Variants in CNTNAP2 observed in about 807,000 individuals in gnomAD.
The protein encoded by CNTNAP2 is contactin-associated protein-like 2.
Under a neutral mutation model 155.2 loss-of-function variants are expected in CNTNAP2, and 98 were observed. The observed-to-expected ratio is 0.63, with a 90% CI of 0.54 to 0.75. CNTNAP2 has a LOEUF of 0.75. Ranked by LOEUF, CNTNAP2 falls within the 30% of genes least tolerant of loss-of-function variation. The pLI is 0.00. For synonymous variants in CNTNAP2, 651 were observed against 631.2 expected (o/e 1.03, Z -0.47); for missense variants, 1,727 against 1,688.1 (o/e 1.02, Z -0.40).
intron 13 of CNTNAP2, among the ~76,000 whole-genome samples, chr7:147,835,794 A>G (rs1798622829): frequency 6.6e-6 from 1 of 152,222 alleles, no homozygotes; most frequent in Non-Finnish European, 1.5e-5. Context: ...CATGAGAGAA[A>G]GGAGAGAGAG....
At chr7:146,342,138 C>G (rs55799204) in intron 1 of CNTNAP2, among the ~76,000 whole-genome samples, 11,639 of 152,158 alleles carry the variant, frequency 0.076, 953 homozygotes, top group African/African-American at 0.2. Context: ...GTGCAAACCT[C>G]AAATACCTCA....
In CNTNAP2 at chr7:147,486,056, A is replaced by G. The variant is rs553823115; in HGVS notation, c.1777+15A>G. The G allele has an allele frequency of 1.9e-6, 3 of 1,601,216 alleles. No homozygotes were observed. Among genetic ancestry groups the G allele is most frequent in the Non-Finnish European group, 2.6e-6 (3 of 1,168,290 alleles). On this transcript the variant is annotated intron_variant, in intron 11 of 23. Transcript: ENST00000361727. ...CTGCCACAACTGTGAGTGCCAATTT[A>G]TCTCACTTTAATCTTGTAATTGCAT...
chr7:148,196,205 A>G (rs1795275165), intron 18 of CNTNAP2, among the ~76,000 whole-genome samples: 1 of 152,238 alleles, frequency 6.6e-6, no homozygotes, highest in African/African-American at 2.4e-5. Flanking sequence ...CCCAAGGAAC[A>G]ATCAAAAAAG....
At position 148,235,685 on chromosome 7, in the gene CNTNAP2, A is replaced by ATTTT. The variant is rs398006723; in HGVS notation, c.3381+5922_3381+5925dup. On this transcript the variant is annotated intron_variant, in intron 20 of 23. Transcript: ENST00000361727. ...TGCTCCTTACAGCTGTGCAGCAATT[A>ATTTT]TTTTTTTTTTTTTTTTTTTGAGACG... Among the ~76,000 whole-genome samples, 1,009 of 121,900 alleles carry ATTTT rather than the reference A, an allele frequency of 8.3e-3. 46 individuals are homozygous for ATTTT. The highest frequency in any genetic ancestry group is 0.017 in the East Asian group (71 of 4,182). 80.0% of individuals were successfully genotyped at this position (121,900 alleles called of 152,430 possible).
chr7:147,252,815 A>G (rs1047427908), intron 8 of CNTNAP2, among the ~76,000 whole-genome samples: 1 of 152,184 alleles, frequency 6.6e-6, no homozygotes, highest in Non-Finnish European at 1.5e-5. Flanking sequence ...CAATTACTCT[A>G]TGATGTAGGT....
intron 10 of CNTNAP2, among the ~76,000 whole-genome samples, chr7:147,447,177 C>T (rs904811507): frequency 6.6e-6 from 1 of 152,116 alleles, no homozygotes; most frequent in Non-Finnish European, 1.5e-5. Context: ...CTAGTAGATG[C>T]ACACAAGTGG....
intron 10 of CNTNAP2, among the ~76,000 whole-genome samples, chr7:147,422,167 ATATAGTATGTATATATACAC>A: frequency 1.1e-4 from 16 of 147,676 alleles, no homozygotes; most frequent in African/African-American, 3.7e-4. Context: ...TACAGTATAT[ATATAGTATGTATATATACAC>A]TATATAGTAT....
Position 147,112,960 on chromosome 7 carries a change from G to A in CNTNAP2, c.754+4610G>A, listed in dbSNP as rs6949174. Reference sequence around the variant, plus strand: ...TTTTTGGAATAGTTTGAATAGGCATGTTATCAGCTCTTCTTTGGACCTCTG... The same window carrying A: ...TTTTTGGAATAGTTTGAATAGGCATATTATCAGCTCTTCTTTGGACCTCTG... On this transcript the variant is annotated intron_variant, in intron 5 of 23. Transcript: ENST00000361727. Among the ~76,000 whole-genome samples, 1,270 of 152,158 alleles carry A rather than the reference G, an allele frequency of 8.3e-3. 21 individuals are homozygous for A. Among genetic ancestry groups the A allele is most frequent in the African/African-American group, 0.029 (1,211 of 41,500 alleles).
At chr7:146,570,649 A>G (rs530329720) in intron 1 of CNTNAP2, among the ~76,000 whole-genome samples, 5 of 152,266 alleles carry the variant, frequency 3.3e-5, no homozygotes, top group Middle Eastern at 6.9e-3. Flanking sequence ...GAAATCCTAT[A>G]TGAAATTGTC....
chr7:147,378,453 A>T (rs1317806542), intron 9 of CNTNAP2, among the ~76,000 whole-genome samples: 2 of 152,070 alleles, frequency 1.3e-5, no homozygotes, highest in African/African-American at 4.8e-5. Flanking sequence ...GTCATTTGCA[A>T]CTACATAGAT....
chr7:146,655,413 C>CAAAAGA (rs1554462923), intron 1 of CNTNAP2, among the ~76,000 whole-genome samples: 1 of 74,302 alleles, frequency 1.3e-5, no homozygotes, highest in Non-Finnish European at 2.5e-5. Flanking sequence ...GACTCTGTCT[C>CAAAAGA]AAAAAAAAAA....
intron 1 of CNTNAP2, among the ~76,000 whole-genome samples, chr7:146,346,278 C>G (rs1431353761): frequency 6.6e-6 from 1 of 152,134 alleles, no homozygotes; most frequent in Non-Finnish European, 1.5e-5. Context: ...GCTCACATTA[C>G]CACCTGAGCT....
chr7:147,818,223 G>T (rs1034330286), intron 13 of CNTNAP2, among the ~76,000 whole-genome samples: 3 of 151,900 alleles, frequency 2.0e-5, no homozygotes, highest in Non-Finnish European at 2.9e-5. Context: ...TATCATGGTG[G>T]TCTAATTTCT....
chr7:148,405,201 G>A (rs971057145), intron 22 of CNTNAP2, among the ~76,000 whole-genome samples: 3 of 152,114 alleles, frequency 2.0e-5, no homozygotes, highest in Admixed American at 2.0e-4. Flanking sequence ...GTGACCCCAG[G>A]AAGGAAGGGG....
chr7:147,861,541 G>T (rs527840075), intron 13 of CNTNAP2, among the ~76,000 whole-genome samples: 2 of 152,166 alleles, frequency 1.3e-5, no homozygotes, highest in Non-Finnish European at 2.9e-5. Context: ...CCAGATTTAG[G>T]CAACCACCAA....
In CNTNAP2 at chr7:147,281,829, C is replaced by T. The variant is rs561450874; in HGVS notation, c.1349-18312C>T. Among the ~76,000 whole-genome samples, 7 of 151,816 alleles carry T rather than the reference C, an allele frequency of 4.6e-5. No homozygotes were observed. In the East Asian group the frequency reaches 1.2e-3, roughly 25 times the overall value. ...TTTAGATAATTGTTTTTGGCCAATC[C>T]ACTCTTAGAGAATTGGTTTTCACTG... On this transcript the variant is annotated intron_variant, in intron 8 of 23. Transcript: ENST00000361727.
At chr7:146,191,238 G>A (rs1285582955) in intron 1 of CNTNAP2, among the ~76,000 whole-genome samples, 1 of 152,014 alleles carries the variant, frequency 6.6e-6, no homozygotes. Context: ...TGTCCAGGGG[G>A]GACATCATAT....
intron 2 of CNTNAP2, among the ~76,000 whole-genome samples, chr7:146,803,038 T>C (rs1563237316): frequency 6.6e-6 from 1 of 151,898 alleles, no homozygotes; most frequent in Non-Finnish European, 1.5e-5. Context: ...AATAAATAAA[T>C]AAATAAGTCT....
rs144648826 is a variant in CNTNAP2 at position 146,200,795 on chromosome 7, T to C, written c.97+83822T>C. ...GACACATTTCTTAAAATGCAGCCCA[T>C]TTTTAAGTAACACATGACTCTGTAT... On this transcript the variant is annotated intron_variant, in intron 1 of 23. Coordinates refer to ENST00000361727, the MANE Select transcript of CNTNAP2 (RefSeq NM_014141.6). 2.0e-5 allele frequency among the ~76,000 whole-genome samples: 3 copies of C among 152,274 alleles called. No individual in the cohort carries two copies. The East Asian group carries it at 5.8e-4, about 29-fold the overall frequency.
Sources: allele counts gnomAD v4.1 joint callset (sites outside exome capture counted in the v4.1 genomes callset), GRCh38; gene constraint gnomAD v4.1.1; transcripts MANE v1.5; gene names NCBI Gene and HGNC (gene_info 2026-07-23, HGNC 2026-07-21).